The following RASEF variants were observed in gnomAD, a reference collection of about 807,000 sequenced individuals.
The protein encoded by RASEF is RAS and EF-hand domain containing, also known as ras and EF-hand domain-containing protein.
In RASEF, 68 loss-of-function variants were observed where a neutral mutation model predicts 90.1. The observed-to-expected ratio is 0.75, with a 90% CI of 0.62 to 0.92. The LOEUF (loss-of-function observed/expected upper bound fraction) is 0.92. RASEF is among the 40% of genes least tolerant of loss of function. The pLI, the probability that RASEF is intolerant of heterozygous loss-of-function variation, is 0.00. For missense variants in RASEF, 949 were observed against 937.2 expected (o/e 1.01, Z -0.16); for synonymous variants, 331 against 345.2 (o/e 0.96, Z 0.46).
In RASEF at chr9:83,062,663, G is replaced by T; in HGVS notation, c.205C>A (p.Arg69Ser). 6.4e-7 allele frequency: 1 copy of T among 1,570,842 alleles called. No homozygotes were observed. The highest frequency in any genetic ancestry group is 8.6e-7 in the Non-Finnish European group (1 of 1,166,394). ...DGAITFQEFA[R>S]GFLGSLRGGR... is the part of the protein sequence containing the mutation. ...CCGCGGAGGGACCCGAGGAAGCCAC[G>T]CGCGAACTCCTGGAAGGTGATGGCG... The change falls in exon 1 of 17, where the codon CGT becomes AGT. Residue 69 changes from arginine to serine, a missense_variant. Transcript: ENST00000376447.
intron 1 of RASEF, among the ~76,000 whole-genome samples, chr9:83,053,698 ATGT>A (rs1240442901): frequency 6.8e-6 from 1 of 146,970 alleles, no homozygotes; most frequent in African/African-American, 2.7e-5. Flanking sequence ...GATCCTTTCC[ATGT>A]TTAGCACTTC....
chr9:83,048,773 T>C, intron 1 of RASEF: 1 of 979,922 alleles, frequency 1.0e-6, no homozygotes, highest in Non-Finnish European at 1.2e-6. Context: ...TATATAGTTC[T>C]TGAGGATTTC....
the RASEF span, among the ~76,000 whole-genome samples, chr9:83,175,763 G>A: frequency 3.3e-5 from 5 of 152,182 alleles, no homozygotes; most frequent in African/African-American, 9.6e-5. Flanking sequence ...TGTATTTTTA[G>A]TAGAGATGGG....
intron 1 of RASEF, among the ~76,000 whole-genome samples, chr9:83,057,456 T>C (rs1042610629): frequency 6.6e-6 from 1 of 152,136 alleles, no homozygotes; most frequent in African/African-American, 2.4e-5. Flanking sequence ...ATACACATAA[T>C]TGTGACAGAG....
chr9:82,994,450 C>T (rs1006474918), intron 14 of RASEF, among the ~76,000 whole-genome samples: 3 of 152,184 alleles, frequency 2.0e-5, no homozygotes, highest in African/African-American at 4.8e-5. Context: ...ACTTCCTTAT[C>T]GTCAGGCCTT....
At chr9:83,078,405 G>A in the RASEF span, among the ~76,000 whole-genome samples, 2 of 152,148 alleles carry the variant, frequency 1.3e-5, no homozygotes, top group African/African-American at 4.8e-5. Flanking sequence ...AGTGGCTCAA[G>A]CCCATAATCC....
At chr9:82,999,608 C>CT (rs764485968) in intron 12 of RASEF, among the ~76,000 whole-genome samples, 2,450 of 144,074 alleles carry the variant, frequency 0.017, 33 homozygotes, top group Non-Finnish European at 0.024. Context: ...AGATATCTCT[C>CT]TTTTTTTTTT....
At chr9:83,128,127 T>C in the RASEF span, among the ~76,000 whole-genome samples, 8 of 151,036 alleles carry the variant, frequency 5.3e-5, no homozygotes, top group Non-Finnish European at 1.2e-4. Context: ...TTATGAAGCA[T>C]CTTAGCAATT....
the RASEF span, among the ~76,000 whole-genome samples, chr9:83,196,875 C>G: frequency 6.6e-6 from 1 of 152,220 alleles, no homozygotes; most frequent in Admixed American, 6.5e-5. Context: ...ACATGAAAAT[C>G]CAACACTGTC....
In RASEF at chr9:82,981,530, G is replaced by C. The variant is rs369184377; in HGVS notation, c.*1147C>G. On this transcript the variant is annotated 3_prime_UTR_variant, in exon 17 of 17. Coordinates refer to ENST00000376447, the MANE Select transcript of RASEF (RefSeq NM_152573.4). The stretch of plus-strand genomic sequence containing the variant: ...GGTTATGCTTCTAAACCATGGGAAG[G>C]TTTGAAATCAGCAGGGATACGAAAA... 1 of 152,188 alleles carries C rather than the reference G, an allele frequency of 6.6e-6. No individual in the cohort carries two copies. The highest frequency in any genetic ancestry group is 1.5e-5 in the Non-Finnish European group (1 of 68,030). The allele number at this position is 152,188 out of a possible 1,614,324, so 9.4% of individuals were successfully genotyped here. A position where few individuals can be genotyped will look rare whatever the true frequency, so the allele number is the denominator to read the frequency against.
chr9:83,171,150 T>A, the RASEF span, among the ~76,000 whole-genome samples: 2 of 151,924 alleles, frequency 1.3e-5, no homozygotes. Context: ...ATATTAAATT[T>A]CATTGAGTGA....
the RASEF span, among the ~76,000 whole-genome samples, chr9:83,151,704 T>C: frequency 0.33 from 49,983 of 151,956 alleles, 8,714 homozygotes; most frequent in East Asian, 0.52. Flanking sequence ...TTAATTTAAA[T>C]GCATTTTAAG....
At chr9:83,091,753 G>C in the RASEF span, among the ~76,000 whole-genome samples, 8 of 151,988 alleles carry the variant, frequency 5.3e-5, no homozygotes, top group African/African-American at 1.9e-4. Context: ...GTTTGAGTGA[G>C]GTAAAATAAT....
chr9:83,198,020 G>A, the RASEF span, among the ~76,000 whole-genome samples: 1 of 152,138 alleles, frequency 6.6e-6, no homozygotes, highest in Non-Finnish European at 1.5e-5. Flanking sequence ...ACATCTCCTC[G>A]ATGCCATGAC....
chr9:83,155,190 G>A, the RASEF span, among the ~76,000 whole-genome samples: 1 of 152,194 alleles, frequency 6.6e-6, no homozygotes, highest in South Asian at 2.1e-4. Context: ...CAATTCCCAA[G>A]TCAGGTTACA....
intron 16 of RASEF, among the ~76,000 whole-genome samples, chr9:82,986,878 G>A (rs1828719220): frequency 6.6e-6 from 1 of 152,194 alleles, no homozygotes; most frequent in South Asian, 2.1e-4. Context: ...CAATGGTTAT[G>A]AACGATGACC....
chr9:82,993,862 C>T (rs549792058), intron 14 of RASEF, among the ~76,000 whole-genome samples: 15 of 152,302 alleles, frequency 9.8e-5, no homozygotes, highest in Admixed American at 6.5e-4. Context: ...TGCAGCTTTC[C>T]GCTCCAGTCT....
the RASEF span, among the ~76,000 whole-genome samples, chr9:83,210,785 C>G: frequency 6.6e-6 from 1 of 152,178 alleles, no homozygotes; most frequent in Non-Finnish European, 1.5e-5. Context: ...AATAGGGTAA[C>G]CAACCATCCC....
chr9:83,083,572 G>A, the RASEF span, among the ~76,000 whole-genome samples: 1 of 151,798 alleles, frequency 6.6e-6, no homozygotes, highest in African/African-American at 2.4e-5. Flanking sequence ...AACAAAAGAG[G>A]CAAAAAACCC....
Sources: gnomAD v4.1 joint callset for allele counts (sites outside exome capture counted in the v4.1 genomes callset) on GRCh38, gnomAD v4.1.1 for gene constraint, MANE v1.5 for transcripts, NCBI Gene and HGNC (gene_info 2026-07-23, HGNC 2026-07-21) for gene names.